Variants in ARVCF observed in about 807,000 individuals in gnomAD.
ARVCF encodes the protein splicing regulator ARVCF.
In ARVCF, 66 loss-of-function variants were observed where a neutral mutation model predicts 90.9. The observed-to-expected ratio is 0.73, with a 90% CI of 0.60 to 0.89. The LOEUF is 0.89. Ranked by LOEUF, ARVCF falls within the 40% of genes least tolerant of loss-of-function variation. The probability of loss-of-function intolerance (pLI) is 0.00; values close to 1 mark genes in which losing one functional copy is unlikely to be tolerated. For synonymous variants in ARVCF, 653 were observed against 603.4 expected (o/e 1.08, Z -1.21); for missense variants, 1,469 against 1,382.3 (o/e 1.06, Z -1.00).
At chr22:19,988,372 G>A (rs1483819266) in intron 3 of ARVCF, among the ~76,000 whole-genome samples, 2 of 152,242 alleles carry the variant, frequency 1.3e-5, no homozygotes, top group East Asian at 1.9e-4. Flanking sequence ...AAACGCGCCC[G>A]CATCTTATCT....
chr22:19,983,963 G>T (rs1013458125), intron 3 of ARVCF, among the ~76,000 whole-genome samples: 4 of 152,208 alleles, frequency 2.6e-5, no homozygotes, highest in Non-Finnish European at 5.9e-5. Context: ...ATCACTGCTG[G>T]GGCTGGGCTG....
chr22:19,982,186 T>C (rs1943541832), intron 3 of ARVCF, 95 bp from the exon 4 acceptor site: 4 of 1,511,742 alleles, frequency 2.6e-6, no homozygotes, highest in African/African-American at 2.7e-5. Context: ...CAGCTCATGC[T>C]GGCCAGCACA....
chr22:19,976,872 G>C, intron 9 of ARVCF, 149 bp from the exon 10 acceptor site: 1 of 955,370 alleles, frequency 1.0e-6, no homozygotes. Flanking sequence ...CATCACTTCT[G>C]GGCACTGAGC....
rs541613831 is a variant in ARVCF, at chr22:19,978,431, C to T, written c.1581-356G>A. Among the ~76,000 whole-genome samples, 7 of 152,292 alleles carry T rather than the reference C, an allele frequency of 4.6e-5. No individual in the cohort carries two copies. In the South Asian group the frequency reaches 1.5e-3, roughly 32 times the overall value. ...TCGCCACCCCAATGGCAGCTCTGGGCCCCACCTTACCCCAAGGTCAAGAGC... is the reference window on the plus strand; with the variant it reads ...TCGCCACCCCAATGGCAGCTCTGGGTCCCACCTTACCCCAAGGTCAAGAGC... On this transcript the variant is annotated intron_variant, in intron 7 of 19. Coordinates refer to ENST00000263207, the MANE Select transcript of ARVCF (RefSeq NM_001670.3).
In ARVCF at chr22:19,972,743, T is replaced by G; in HGVS notation, c.2635A>C (p.Ser879Arg). 1.2e-6 allele frequency: 2 copies of G among 1,610,432 alleles called. No homozygotes were observed. Among genetic ancestry groups the G allele is most frequent in the South Asian group, 1.1e-5 (1 of 90,616 alleles). The change falls in exon 16 of 20, where the codon AGC becomes CGC. Residue 879 changes from serine to arginine, a missense_variant. Physicochemically the swap from Ser to Arg is moderately radical, Grantham distance 110 (BLOSUM62 -1). Coordinates refer to ENST00000263207, the MANE Select transcript of ARVCF (RefSeq NM_001670.3). ...DDSTLPLVDK[S>R]LEGEKTGSRD... ...CCTAAGCTCCACCACTCACCAAGGC[T>G]CTTGTCCACCAGTGGCAGCGTGCTG...
intron 5 of ARVCF, chr22:19,980,565 T>C: frequency 6.1e-6 from 2 of 329,546 alleles, no homozygotes; most frequent in Non-Finnish European, 1.1e-5. Context: ...ACATCTGCTA[T>C]GGCTGCTGGA....
At chr22:19,997,650 A>G (rs2146422273) in intron 2 of ARVCF, among the ~76,000 whole-genome samples, 1 of 152,310 alleles carries the variant, frequency 6.6e-6, no homozygotes, top group Middle Eastern at 3.4e-3. Context: ...TCCCTGCTGC[A>G]TCCTGCCCAG....
intron 2 of ARVCF, among the ~76,000 whole-genome samples, chr22:20,004,474 C>T (rs1346483481): frequency 6.9e-6 from 1 of 145,274 alleles, no homozygotes; most frequent in Admixed American, 6.9e-5. Context: ...GATGACAGAA[C>T]AAGACCTGTC....
chr22:19,995,387 G>T (rs528882866), intron 2 of ARVCF, among the ~76,000 whole-genome samples: 11 of 152,018 alleles, frequency 7.2e-5, no homozygotes, highest in South Asian at 2.1e-4. Context: ...TGAATGGAAG[G>T]GGGGGTGGGC....
Position 19,998,195 on chromosome 22 carries a change from G to T in ARVCF, c.-18-7383C>A, listed in dbSNP as rs1944322513. ...GGGCAGGTGCAGCAGTCACCACGCT[G>T]GCCACCAGCCTGAGTGCACAGGGCC... On this transcript the variant is annotated intron_variant, in intron 2 of 19. Coordinates refer to ENST00000263207, the MANE Select transcript of ARVCF (RefSeq NM_001670.3). 2.6e-5 allele frequency among the ~76,000 whole-genome samples: 4 copies of T among 152,344 alleles called. No homozygotes were observed. In the South Asian group the frequency reaches 8.3e-4, roughly 32 times the overall value.
intron 3 of ARVCF, among the ~76,000 whole-genome samples, chr22:19,982,559 C>A (rs1943563828): frequency 6.6e-6 from 1 of 152,220 alleles, no homozygotes; most frequent in South Asian, 2.1e-4. Flanking sequence ...TCCTCCCTCA[C>A]CTGCCCCAGA....
chr22:19,980,258 G>A lies in ARVCF; in HGVS notation c.897-16C>T, dbSNP rs1041656591. 6 of 1,501,542 alleles carry A rather than the reference G, an allele frequency of 4.0e-6. No homozygotes were observed. Among genetic ancestry groups the A allele is most frequent in the Non-Finnish European group, 5.3e-6 (6 of 1,128,890 alleles). The allele number at this position is 1,501,542 out of a possible 1,614,324, so 93.0% of individuals were successfully genotyped here. On this transcript the variant is annotated splice_polypyrimidine_tract_variant and intron_variant, in intron 5 of 19. Coordinates refer to ENST00000263207, the MANE Select transcript of ARVCF (RefSeq NM_001670.3). The stretch of plus-strand genomic sequence containing the variant: ...CTCGTAGGCCCTGCACAGGCAAGTG[G>A]GGCGCGTGGACATCGTCACAGCAGC...
At chr22:19,975,783 G>A (rs369716582) in intron 10 of ARVCF, 26 bp from the exon 11 acceptor site, 44 of 1,611,554 alleles carry the variant, frequency 2.7e-5, no homozygotes, top group Non-Finnish European at 3.5e-5. Flanking sequence ...GGTGGGAGGT[G>A]AGGCAGACCC....
chr22:19,984,289 C>G (rs2146335890), intron 3 of ARVCF, among the ~76,000 whole-genome samples: 1 of 152,250 alleles, frequency 6.6e-6, no homozygotes, highest in East Asian at 1.9e-4. Flanking sequence ...ACTCTGTGGC[C>G]CAGCTTATCC....
downstream of ARVCF, chr22:19,969,724 C>G (rs1191232468): frequency 4.9e-6 from 3 of 607,324 alleles, no homozygotes; most frequent in Non-Finnish European, 6.2e-6. Flanking sequence ...CCAGTGAGCC[C>G]AAGTGGACAA....
At chr22:20,011,237 C>T (rs555199572) in intron 1 of ARVCF, among the ~76,000 whole-genome samples, 96 of 152,292 alleles carry the variant, frequency 6.3e-4, no homozygotes, top group Non-Finnish European at 1.1e-3. Context: ...CTAATGGCCC[C>T]GGGGACACAT....
At position 19,970,594 on chromosome 22, in the gene ARVCF, G is replaced by GGGGGGGGGC; in HGVS notation, c.*161_*162insGCCCCCCCC. The GGGGGGGGGC allele has an allele frequency of 3.8e-6, 2 of 525,244 alleles. No homozygotes were observed. Among genetic ancestry groups the GGGGGGGGGC allele is most frequent in the Non-Finnish European group, 6.3e-6 (2 of 317,104 alleles). 32.5% of individuals were successfully genotyped at this position (525,244 alleles called of 1,614,324 possible). ...AGGATGGGGGGAGTGGGGTGGGGGG[G>GGGGGGGGGC]CAGGAGGGTGTCCCCAAAGTCAGGC... On this transcript the variant is annotated 3_prime_UTR_variant, in exon 20 of 20. Transcript: ENST00000263207.
At chr22:19,986,977 CCG>C (rs1287569128) in intron 3 of ARVCF, 2 of 628,462 alleles carry the variant, frequency 3.2e-6, no homozygotes, top group African/African-American at 3.8e-5. Context: ...GCCAGCGGCT[CCG>C]CGGAACAAAA....
chr22:19,976,915 G>A (rs1334976588), intron 9 of ARVCF, among the ~76,000 whole-genome samples, 192 bp from the exon 10 acceptor site: 1 of 152,036 alleles, frequency 6.6e-6, no homozygotes, highest in Non-Finnish European at 1.5e-5. Flanking sequence ...GGGAGGCCTG[G>A]GGTCAGTGGG....
Sources: allele counts gnomAD v4.1 joint callset (sites outside exome capture counted in the v4.1 genomes callset), GRCh38; gene constraint gnomAD v4.1.1; transcripts MANE v1.5; gene names NCBI Gene and HGNC (gene_info 2026-07-23, HGNC 2026-07-21).